The following EPB41L3 variants were observed in gnomAD, a reference collection of about 807,000 sequenced individuals.
EPB41L3 encodes band 4.1-like protein 3.
In EPB41L3, 57 loss-of-function variants were observed where a neutral mutation model predicts 127.1. The ratio of observed to expected loss-of-function variants is 0.45; its 90% CI spans 0.36 to 0.56. The LOEUF is 0.56. Among genes scored for constraint, EPB41L3 ranks in the 20% least tolerant of loss-of-function variants. The pLI is 0.00. For synonymous variants in EPB41L3, 572 were observed against 549.5 expected, an observed-to-expected ratio of 1.04 and a Z score of -0.57; for missense variants, 1,273 against 1,372.2, an observed-to-expected ratio of 0.93 and a Z score of 1.14.
At chr18:5,572,424 T>C (rs1164150544) in intron 3 of EPB41L3, among the ~76,000 whole-genome samples, 3 of 152,192 alleles carry the variant, frequency 2.0e-5, no homozygotes, top group Non-Finnish European at 2.9e-5. Flanking sequence ...ACTGGAATAA[T>C]TGGGATGCCT....
intron 9 of EPB41L3, among the ~76,000 whole-genome samples, chr18:5,428,018 G>T (rs886872837): frequency 5.3e-5 from 8 of 152,048 alleles, no homozygotes; most frequent in African/African-American, 1.9e-4. Flanking sequence ...GCCTCCCAAA[G>T]TGCTGGGATT....
intron 1 of EPB41L3, among the ~76,000 whole-genome samples, chr18:5,514,216 T>C (rs1032696348): frequency 6.6e-6 from 1 of 152,208 alleles, no homozygotes; most frequent in Non-Finnish European, 1.5e-5. Flanking sequence ...GAGCAGCTGT[T>C]AATATAGCAT....
chr18:5,562,751 C>T (rs554408817), intron 3 of EPB41L3, among the ~76,000 whole-genome samples: 4 of 152,318 alleles, frequency 2.6e-5, no homozygotes, highest in South Asian at 4.1e-4. Flanking sequence ...TCTCTCTCCA[C>T]GAAGCCCCTG....
At chr18:5,431,173 G>T (rs1479321013) in intron 8 of EPB41L3, 1 of 152,090 alleles carries the variant, frequency 6.6e-6, no homozygotes, top group Non-Finnish European at 1.5e-5. Flanking sequence ...GATGTACAAA[G>T]AAAAAACAAA....
Position 5,479,131 on chromosome 18 carries a change from G to A in EPB41L3, c.184-693C>T, listed in dbSNP as rs75543429. 3.1e-3 allele frequency among the ~76,000 whole-genome samples: 477 copies of A among 152,326 alleles called. 3 individuals are homozygous for A. Among genetic ancestry groups the A allele is most frequent in the Non-Finnish European group, 5.1e-3 (349 of 68,034 alleles). On this transcript the variant is annotated intron_variant, in intron 2 of 22. Transcript: ENST00000341928. ...TCCAGGCTAGTTATAAAACTGCAGA[G>A]GACATCTTAAGTAACAGTAACATTC...
intron 6 of EPB41L3, among the ~76,000 whole-genome samples, chr18:5,434,417 T>G (rs1568158625): frequency 6.6e-6 from 1 of 152,198 alleles, no homozygotes; most frequent in Non-Finnish European, 1.5e-5. Flanking sequence ...CATATTCTTC[T>G]AACATCTTTT....
intron 21 of EPB41L3, 28 bp from the exon 22 acceptor site, chr18:5,394,821 G>C: frequency 6.2e-7 from 1 of 1,602,956 alleles, no homozygotes; most frequent in African/African-American, 1.3e-5. Flanking sequence ...CAGAAGGGCA[G>C]AAACAAAAAG....
At chr18:5,502,893 C>T (rs1036736751) in intron 1 of EPB41L3, among the ~76,000 whole-genome samples, 4 of 152,190 alleles carry the variant, frequency 2.6e-5, no homozygotes, top group Non-Finnish European at 4.4e-5. Flanking sequence ...CACCATCAGA[C>T]GCCAGACAGC....
chr18:5,457,461 T>C (rs567859805), intron 3 of EPB41L3, among the ~76,000 whole-genome samples: 5 of 152,024 alleles, frequency 3.3e-5, no homozygotes, highest in Admixed American at 6.6e-5. Flanking sequence ...GATGGCACAG[T>C]AGGCAGTGAA....
At chr18:5,439,156 T>C (rs1200187964) in intron 5 of EPB41L3, among the ~76,000 whole-genome samples, 1 of 152,062 alleles carries the variant, frequency 6.6e-6, no homozygotes, top group East Asian at 1.9e-4. Flanking sequence ...GTATTTCGAA[T>C]GGTTTACTGA....
At chr18:5,523,522 G>A (rs1449521350) in intron 1 of EPB41L3, among the ~76,000 whole-genome samples, 1 of 152,132 alleles carries the variant, frequency 6.6e-6, no homozygotes, top group East Asian at 1.9e-4. Context: ...CTATTGGTCT[G>A]GTATGGTGGC....
intron 2 of EPB41L3, among the ~76,000 whole-genome samples, chr18:5,479,174 T>G (rs2087874270): frequency 6.6e-6 from 1 of 152,212 alleles, no homozygotes; most frequent in Non-Finnish European, 1.5e-5. Flanking sequence ...TACCAATCTC[T>G]TTGGAAATGT....
chr18:5,610,328 C>T lies in EPB41L3; in HGVS notation c.-306+2012G>A, dbSNP rs78402774. Reference sequence around the variant, plus strand: ...TGAGCACGAGAATGACACTTCCCTCCTTTCTAGAAGCCACCCCACTGCCAA... The same window carrying T: ...TGAGCACGAGAATGACACTTCCCTCTTTTCTAGAAGCCACCCCACTGCCAA... On this transcript the variant is annotated intron_variant, in intron 3 of 21. Transcript: ENST00000545076. 3.7e-5 allele frequency: 36 copies of T among 984,736 alleles called. No individual in the cohort carries two copies. The East Asian group carries it at 3.3e-3, about 90-fold the overall frequency. The allele number at this position is 984,736 out of a possible 1,614,324, so 61.0% of individuals were successfully genotyped here. A position where few individuals can be genotyped will look rare whatever the true frequency, so the allele number is the denominator to read the frequency against.
rs117260199 is a variant in EPB41L3, at chr18:5,557,546, T to G, written c.-306+54794A>C. On this transcript the variant is annotated intron_variant, in intron 3 of 21. Transcript: ENST00000545076. ...ATTACAGGCGTGTGCCACTACCACATGGCTAATTTTTGTATTTTTAGTAGA... is the reference window on the plus strand; with the variant it reads ...ATTACAGGCGTGTGCCACTACCACAGGGCTAATTTTTGTATTTTTAGTAGA... Among the ~76,000 whole-genome samples the G allele has an allele frequency of 5.8e-4, 89 of 152,204 alleles. 5 individuals carry two copies. The East Asian group carries it at 0.017, about 29-fold the overall frequency.
rs75593509 is a variant in EPB41L3 at position 5,590,253 on chromosome 18, G to C, written c.-306+22087C>G. On this transcript the variant is annotated intron_variant, in intron 3 of 21. Coordinates refer to the EPB41L3 transcript ENST00000545076. Reference sequence around the variant, plus strand: ...AGAGGTTCCCAAGGAGAGCAGTTCTGTTTGAGGTCCCAGTGCACCTCTGAC... The same window carrying C: ...AGAGGTTCCCAAGGAGAGCAGTTCTCTTTGAGGTCCCAGTGCACCTCTGAC... Among the ~76,000 whole-genome samples, 450 of 152,240 alleles carry C rather than the reference G, an allele frequency of 3.0e-3. 18 individuals are homozygous for C. The East Asian group carries it at 0.08, about 27-fold the overall frequency.
At chr18:5,538,870 C>T (rs2093644044) in intron 1 of EPB41L3, among the ~76,000 whole-genome samples, 1 of 152,140 alleles carries the variant, frequency 6.6e-6, no homozygotes, top group African/African-American at 2.4e-5. Context: ...CCAATTTGAG[C>T]TACAGACAGA....
At chr18:5,553,383 A>G (rs1346915018) in intron 3 of EPB41L3, among the ~76,000 whole-genome samples, 2 of 152,210 alleles carry the variant, frequency 1.3e-5, no homozygotes, top group Admixed American at 6.5e-5. Flanking sequence ...AGCTTGTCTC[A>G]GGCCTCATAT....
chr18:5,601,201 T>C (rs1395388112), intron 3 of EPB41L3, among the ~76,000 whole-genome samples: 1 of 152,178 alleles, frequency 6.6e-6, no homozygotes, highest in Non-Finnish European at 1.5e-5. Context: ...AAGCAGGACC[T>C]GCAGTTAAAA....
Position 5,543,656 on chromosome 18 carries a change from G to A in EPB41L3, c.-12+257C>T, listed in dbSNP as rs1251268005. Among the ~76,000 whole-genome samples, 1 of 146,960 alleles carries A rather than the reference G, an allele frequency of 6.8e-6. No homozygotes were observed. Among genetic ancestry groups the A allele is most frequent in the African/African-American group, 2.4e-5 (1 of 40,908 alleles). On this transcript the variant is annotated intron_variant, in intron 1 of 22. Coordinates refer to ENST00000341928, the MANE Select transcript of EPB41L3 (RefSeq NM_012307.5). The surrounding 1 kb of genome is among the most constrained non-coding windows in gnomAD (Gnocchi z 5.2). ...TCTGCGCGCCGGCCCAGCCACTACT[G>A]CGCCGCGGCGGGCGGAGCGGGCGGG...
Sources: allele counts gnomAD v4.1 joint callset (sites outside exome capture counted in the v4.1 genomes callset), GRCh38; gene constraint gnomAD v4.1.1; non-coding constraint Gnocchi (gnomAD v3.1); transcripts MANE v1.5; gene names NCBI Gene and HGNC (gene_info 2026-07-23, HGNC 2026-07-21).